The following NOL10 variants were observed in gnomAD, a reference collection of about 807,000 sequenced individuals.
The protein encoded by NOL10 is nucleolar protein 10.
A neutral mutation model predicts 103.5 loss-of-function variants in NOL10; 58 were observed. The ratio of observed to expected loss-of-function variants is 0.56; its 90% confidence interval spans 0.45 to 0.70. The LOEUF is 0.70. NOL10 is among the 30% of genes least tolerant of loss of function. The pLI is 0.00. For missense variants in NOL10, 763 were observed against 807.3 expected (o/e 0.95, Z 0.67); for synonymous variants, 287 against 282.5 (o/e 1.02, Z -0.16).
chr2:10,617,913 G>A (rs747959781), intron 13 of NOL10, among the ~76,000 whole-genome samples: 1 of 152,190 alleles, frequency 6.6e-6, no homozygotes, highest in African/African-American at 2.4e-5. Context: ...TAGGTGAGTG[G>A]TTGCAGGGGC....
chr2:10,627,339 G>A (rs1430784542), intron 13 of NOL10, among the ~76,000 whole-genome samples: 2 of 151,930 alleles, frequency 1.3e-5, no homozygotes, highest in East Asian at 3.9e-4. Flanking sequence ...TACCTTTCTT[G>A]GAGAATAAAA....
intron 20 of NOL10, 93 bp downstream of exon 20, chr2:10,577,543 T>C (rs1572221361): frequency 2.3e-6 from 2 of 887,086 alleles, no homozygotes; most frequent in East Asian, 2.7e-5. Flanking sequence ...GGGAAAAGCA[T>C]TGAGAAGGCT....
intron 3 of NOL10, among the ~76,000 whole-genome samples, chr2:10,677,852 T>TGC (rs1681427061): frequency 7.4e-6 from 1 of 134,284 alleles, no homozygotes; most frequent in East Asian, 2.7e-4. Flanking sequence ...TGTGTGTGTG[T>TGC]GTGTGTGTGT....
Position 10,689,865 on chromosome 2 carries a change from G to A in NOL10, c.-4C>T, listed in dbSNP as rs778033616. ...CATTGAGGCTGGAGACCTGCATGGC[G>A]CCGCACAACACTGTTCAAGTCCCGG... is the stretch of plus-strand genomic sequence containing the variant. On this transcript the variant is annotated 5_prime_UTR_variant, in exon 1 of 21. Transcript: ENST00000381685. The A allele has an allele frequency of 1.2e-6, 2 of 1,604,218 alleles. No homozygotes were observed. Among genetic ancestry groups the A allele is most frequent in the African/African-American group, 1.3e-5 (1 of 74,876 alleles).
At chr2:10,620,822 G>C (rs763682071) in intron 13 of NOL10, among the ~76,000 whole-genome samples, 1 of 152,096 alleles carries the variant, frequency 6.6e-6, no homozygotes, top group Non-Finnish European at 1.5e-5. Context: ...TTGAGATAGA[G>C]TTTTGCTCTA....
At chr2:10,625,107 C>A (rs1008650883) in intron 13 of NOL10, among the ~76,000 whole-genome samples, 7 of 152,008 alleles carry the variant, frequency 4.6e-5, no homozygotes, top group Non-Finnish European at 1.0e-4. Context: ...AGTGATTGCT[C>A]GGGGTTTGTG....
In NOL10 at chr2:10,607,657, T is replaced by C. The variant is rs7355274; in HGVS notation, c.1027-346A>G. 2.6e-3 allele frequency among the ~76,000 whole-genome samples: 397 copies of C among 152,006 alleles called. 2 individuals are homozygous for C. The highest frequency in any genetic ancestry group is 9.3e-3 in the African/African-American group (387 of 41,482). On this transcript the variant is annotated intron_variant, in intron 13 of 20. Coordinates refer to ENST00000381685, the MANE Select transcript of NOL10 (RefSeq NM_024894.4). ...TCACCTCCTTCCTTCAAAATACTAC[T>C]AGAATTCTACAAAAGCATTATTTGG...
chr2:10,642,203 C>T (rs1678743758), intron 13 of NOL10, among the ~76,000 whole-genome samples: 1 of 152,190 alleles, frequency 6.6e-6, no homozygotes, highest in African/African-American at 2.4e-5. Context: ...CTATACAGCT[C>T]TCTATCAATG....
chr2:10,678,323 A>AT (rs1311962120), intron 3 of NOL10, among the ~76,000 whole-genome samples: 4 of 151,486 alleles, frequency 2.6e-5, no homozygotes, highest in Non-Finnish European at 4.4e-5. Flanking sequence ...AAGTGCAGGG[A>AT]TTATAGGCAT....
intron 4 of NOL10, among the ~76,000 whole-genome samples, 157 bp from the exon 5 acceptor site, chr2:10,673,714 T>C (rs898590294): frequency 4.6e-5 from 7 of 152,312 alleles, no homozygotes; most frequent in Admixed American, 2.6e-4. Flanking sequence ...CATAGTATAT[T>C]GTCCCAAAAC....
chr2:10,629,868 C>T (rs1677723670), intron 13 of NOL10, among the ~76,000 whole-genome samples: 1 of 152,218 alleles, frequency 6.6e-6, no homozygotes, highest in African/African-American at 2.4e-5. Context: ...AAAGTCCATG[C>T]TCACACAATG....
chr2:10,607,333 T>C (rs762520423), intron 13 of NOL10, 22 bp from the exon 14 acceptor site: 1 of 1,587,134 alleles, frequency 6.3e-7, no homozygotes, highest in African/African-American at 1.4e-5. Flanking sequence ...TATGAGAAGG[T>C]CAGCAAAGGC....
At chr2:10,655,214 A>G (rs946124264) in intron 11 of NOL10, among the ~76,000 whole-genome samples, 1 of 151,986 alleles carries the variant, frequency 6.6e-6, no homozygotes, top group Non-Finnish European at 1.5e-5. Context: ...CCCAAAAAAA[A>G]AAAGAAAGAA....
intron 20 of NOL10, among the ~76,000 whole-genome samples, chr2:10,574,550 G>A (rs1674352859): frequency 6.6e-6 from 1 of 151,750 alleles, no homozygotes; most frequent in Non-Finnish European, 1.5e-5. Context: ...GGGAGGCTGA[G>A]GCAGGAGAAT....
chr2:10,582,934 CTG>C (rs1003025208), intron 19 of NOL10, among the ~76,000 whole-genome samples: 12 of 152,224 alleles, frequency 7.9e-5, no homozygotes, highest in African/African-American at 2.9e-4. Flanking sequence ...TAACTGTTTA[CTG>C]TGTTTTCTAT....
At chr2:10,681,913 C>G (rs1431757285) in intron 3 of NOL10, 58 bp downstream of exon 3, 8 of 677,264 alleles carry the variant, frequency 1.2e-5, no homozygotes, top group East Asian at 3.2e-5. Context: ...AAGACCTTTC[C>G]CATCGCAGCA....
At chr2:10,659,107 C>T (rs1680018765) in intron 10 of NOL10, 65 bp downstream of exon 10, 1 of 1,070,278 alleles carries the variant, frequency 9.3e-7, no homozygotes, top group South Asian at 1.3e-5. Context: ...GTGTATTTCT[C>T]ATGACACATA....
intron 20 of NOL10, among the ~76,000 whole-genome samples, chr2:10,576,532 G>T (rs1017647144): frequency 1.3e-5 from 2 of 152,276 alleles, no homozygotes; most frequent in African/African-American, 4.8e-5. Flanking sequence ...GCCATAAAAA[G>T]AAATGCAATT....
At chr2:10,669,952 C>T (rs1411531255) in intron 6 of NOL10, among the ~76,000 whole-genome samples, 2 of 151,710 alleles carry the variant, frequency 1.3e-5, no homozygotes, top group African/African-American at 4.8e-5. Flanking sequence ...GTAGCTCACA[C>T]CTGTAATCCC....
Sources: allele counts gnomAD v4.1 joint callset (sites outside exome capture counted in the v4.1 genomes callset), GRCh38; gene constraint gnomAD v4.1.1; transcripts MANE v1.5; gene names NCBI Gene and HGNC (gene_info 2026-07-23, HGNC 2026-07-21).